The following ZNF469 variants were observed in gnomAD, a reference collection of about 807,000 sequenced individuals.
The protein encoded by ZNF469 is zinc finger protein 469.
ZNF469 carries 1 observed loss-of-function variant against 1.0 expected under a neutral mutation model. The ratio of observed to expected loss-of-function variants is 1.00; its 90% CI spans 0.35 to 4.73. The LOEUF is 4.73. Ranked by LOEUF, ZNF469 falls within the 30% of genes most tolerant of loss-of-function variation. The pLI, the probability that ZNF469 is intolerant of heterozygous loss-of-function variation, is 0.16. For missense variants in ZNF469, 6,100 were observed against 5,356.3 expected, an observed-to-expected ratio of 1.14 and a Z score of -4.33; for synonymous variants, 2,703 against 2,363.4, an observed-to-expected ratio of 1.14 and a Z score of -4.17.
the ZNF469 span, among the ~76,000 whole-genome samples, chr16:88,237,103 A>G: frequency 3.4e-5 from 5 of 148,868 alleles, no homozygotes; most frequent in African/African-American, 1.2e-4. Flanking sequence ...CCATTACAGT[A>G]TCACAGAGCA....
chr16:88,266,277 G>T, the ZNF469 span, among the ~76,000 whole-genome samples: 6 of 152,232 alleles, frequency 3.9e-5, no homozygotes, highest in Non-Finnish European at 8.8e-5. Flanking sequence ...GGGGACTTGG[G>T]GCCACTGGGA....
At chr16:88,347,752 G>C in the ZNF469 span, among the ~76,000 whole-genome samples, 1 of 152,166 alleles carries the variant, frequency 6.6e-6, no homozygotes, top group African/African-American at 2.4e-5. Context: ...TTCCAGCCTT[G>C]GCTCAAATTC....
At chr16:88,137,568 A>G in the ZNF469 span, among the ~76,000 whole-genome samples, 1 of 152,198 alleles carries the variant, frequency 6.6e-6, no homozygotes, top group African/African-American at 2.4e-5. Flanking sequence ...CCATGCATGT[A>G]TACAGCTATA....
In ZNF469 at chr16:88,434,061, G is replaced by T; in HGVS notation, c.6591G>T (p.Pro2197=). Residue 2197 remains proline (P), a synonymous_variant, in exon 3 of 3, where the codon CCG becomes CCT. Transcript: ENST00000565624. The stretch of plus-strand genomic sequence containing the variant: ...CTGAGGATTCCCCGGTGGCTCCCCC[G>T]TCTTTGACAACAAGCCCCTGCGATC... ...TGAEDSPVAP[P]SLTTSPCDPK... 1 of 1,550,328 alleles carries T rather than the reference G, an allele frequency of 6.5e-7. No homozygotes were observed. The highest frequency in any genetic ancestry group is 8.7e-7 in the Non-Finnish European group (1 of 1,146,918).
the ZNF469 span, among the ~76,000 whole-genome samples, chr16:88,200,274 G>T: frequency 6.6e-6 from 1 of 152,226 alleles, no homozygotes; most frequent in Admixed American, 6.5e-5. Context: ...GGGCTAGCCT[G>T]TGCCCAGCTC....
chr16:88,409,417 C>T (rs1054082213), intron 1 of ZNF469, among the ~76,000 whole-genome samples: 9 of 152,198 alleles, frequency 5.9e-5, no homozygotes, highest in African/African-American at 1.4e-4. Flanking sequence ...GCTGGTCACT[C>T]GAGTCCTCAG....
the ZNF469 span, among the ~76,000 whole-genome samples, chr16:88,331,217 C>CACCACCACA: frequency 1.7e-5 from 1 of 59,020 alleles, no homozygotes; most frequent in East Asian, 3.0e-4. Context: ...TCACAACCGT[C>CACCACCACA]ACCACCACCA....
intron 1 of ZNF469, among the ~76,000 whole-genome samples, chr16:88,422,571 G>T (rs1444597361): frequency 1.4e-5 from 2 of 146,460 alleles, no homozygotes. Context: ...GTGGATGGAT[G>T]AATGTGTGAG....
chr16:88,227,319 AAGG>A, the ZNF469 span, among the ~76,000 whole-genome samples: 2 of 152,100 alleles, frequency 1.3e-5, no homozygotes. Flanking sequence ...AAGGGGGAGG[AAGG>A]AGGATGGAAG....
At chr16:88,347,992 G>A in the ZNF469 span, among the ~76,000 whole-genome samples, 3 of 152,220 alleles carry the variant, frequency 2.0e-5, no homozygotes, top group South Asian at 2.1e-4. Context: ...AGGCCCAAAC[G>A]GTCTACCCTG....
At chr16:88,261,075 C>T in the ZNF469 span, among the ~76,000 whole-genome samples, 1 of 152,222 alleles carries the variant, frequency 6.6e-6, no homozygotes, top group South Asian at 2.1e-4. The surrounding 1 kb of genome is among the most constrained non-coding windows in gnomAD (Gnocchi z 6.0). Flanking sequence ...CTGGTTCTAA[C>T]AGCTGGGATG....
chr16:88,289,711 T>A, the ZNF469 span, among the ~76,000 whole-genome samples: 1 of 151,730 alleles, frequency 6.6e-6, no homozygotes. Flanking sequence ...TGCGTAGGAG[T>A]GAATGTGTTC....
chr16:88,380,099 TCA>T (rs1333045939), upstream of ZNF469, among the ~76,000 whole-genome samples: 3 of 136,584 alleles, frequency 2.2e-5, no homozygotes. Context: ...ACAAATGCAC[TCA>T]CAGACATGCA....
chr16:88,334,306 A>G, the ZNF469 span, among the ~76,000 whole-genome samples: 1 of 152,132 alleles, frequency 6.6e-6, no homozygotes, highest in African/African-American at 2.4e-5. Context: ...GATGGATGGT[A>G]AAAAACAACA....
the ZNF469 span, among the ~76,000 whole-genome samples, chr16:88,251,630 C>G: frequency 7.1e-6 from 1 of 141,074 alleles, no homozygotes; most frequent in South Asian, 2.4e-4. Context: ...GTGATCTCGG[C>G]TCACTGCAAC....
the ZNF469 span, among the ~76,000 whole-genome samples, chr16:88,204,479 G>A: frequency 2.9e-4 from 44 of 152,356 alleles, no homozygotes; most frequent in African/African-American, 7.9e-4. Context: ...GGCCAGCACC[G>A]CTAGGCCCTC....
the ZNF469 span, among the ~76,000 whole-genome samples, chr16:88,316,050 C>T: frequency 6.6e-6 from 1 of 152,242 alleles, no homozygotes; most frequent in Non-Finnish European, 1.5e-5. Context: ...GACCACGCGT[C>T]ACCAGGGCAC....
chr16:88,240,608 G>A, the ZNF469 span, among the ~76,000 whole-genome samples: 4 of 152,108 alleles, frequency 2.6e-5, no homozygotes, highest in Non-Finnish European at 4.4e-5. Context: ...CTCTGGAGCT[G>A]GGATAGGCCA....
At chr16:88,219,961 T>G in the ZNF469 span, among the ~76,000 whole-genome samples, 17 of 152,242 alleles carry the variant, frequency 1.1e-4, no homozygotes, top group African/African-American at 3.9e-4. Context: ...CTCCCCTTCC[T>G]GGTTCTCCCC....
Sources: gnomAD v4.1 joint callset for allele counts (sites outside exome capture counted in the v4.1 genomes callset) on GRCh38, gnomAD v4.1.1 for gene constraint, Gnocchi (gnomAD v3.1) non-coding constraint, MANE v1.5 for transcripts, NCBI Gene and HGNC (gene_info 2026-07-23, HGNC 2026-07-21) for gene names.